GABRG3: variants seen among roughly 807,000 people sequenced by gnomAD.
GABRG3 encodes the protein gamma-aminobutyric acid type A receptor subunit gamma3.
In GABRG3, 25 loss-of-function variants were observed where a neutral mutation model predicts 48.8. The ratio of observed to expected loss-of-function variants is 0.51; its 90% CI spans 0.37 to 0.72. The LOEUF (loss-of-function observed/expected upper bound fraction) is 0.72. GABRG3 is among the 30% of genes least tolerant of loss of function. GABRG3 has a pLI of 0.00. For synonymous variants in GABRG3, 227 were observed against 217.6 expected, an observed-to-expected ratio of 1.04 and a Z score of -0.38; for missense variants, 394 against 577.9, an observed-to-expected ratio of 0.68 and a Z score of 3.26.
At chr15:27,216,194 A>C (rs1016397029) in intron 3 of GABRG3, among the ~76,000 whole-genome samples, 4 of 152,238 alleles carry the variant, frequency 2.6e-5, no homozygotes, top group African/African-American at 9.6e-5. Flanking sequence ...TGGGCATTGC[A>C]GACCAAATTC....
intron 5 of GABRG3, among the ~76,000 whole-genome samples, chr15:27,464,389 T>C (rs377303939): frequency 2.6e-5 from 4 of 152,230 alleles, no homozygotes; most frequent in Admixed American, 6.5e-5. Context: ...CATTCTTCCA[T>C]TGGTACCTCT....
intron 3 of GABRG3, among the ~76,000 whole-genome samples, chr15:27,324,952 T>C (rs1462820052): frequency 8.2e-6 from 1 of 121,848 alleles, no homozygotes; most frequent in East Asian, 2.2e-4. Context: ...CTAATCCATT[T>C]AGAGGCTTTA....
In GABRG3 at chr15:27,457,170, G is replaced by A. The variant is rs1361305077; in HGVS notation, c.575-23480G>A. On this transcript the variant is annotated intron_variant, in intron 5 of 9. Transcript: ENST00000615808. This position sits in a 1 kb window ranked among gnomAD's most constrained non-coding sequence, Gnocchi z 4.4. ...GCATTCATTAGAGACCACAGTGGCG[G>A]CATGCAGCTGGACTGGGAGTGACTG... 3.3e-5 allele frequency among the ~76,000 whole-genome samples: 5 copies of A among 152,172 alleles called. No homozygotes were observed. The highest frequency in any genetic ancestry group is 1.2e-4 in the African/African-American group (5 of 41,450).
intron 3 of GABRG3, among the ~76,000 whole-genome samples, chr15:27,058,345 C>T (rs74006568): frequency 0.082 from 12,473 of 152,220 alleles, 574 homozygotes; most frequent in East Asian, 0.25. Flanking sequence ...GATGGCAGAG[C>T]CTTGCTGAGC....
chr15:27,337,973 G>C (rs142107615), intron 5 of GABRG3, among the ~76,000 whole-genome samples: 64 of 152,280 alleles, frequency 4.2e-4, no homozygotes, highest in African/African-American at 1.4e-3. Context: ...GTGCAACGCC[G>C]TCTCTGAATC....
chr15:27,081,779 A>AC (rs1483428156), intron 3 of GABRG3, among the ~76,000 whole-genome samples: 1 of 151,898 alleles, frequency 6.6e-6, no homozygotes, highest in African/African-American at 2.4e-5. Flanking sequence ...GCTGTGGTCG[A>AC]CCCCGCTCCC....
intron 5 of GABRG3, among the ~76,000 whole-genome samples, chr15:27,384,428 A>T (rs1231095086): frequency 6.6e-6 from 1 of 152,194 alleles, no homozygotes; most frequent in Non-Finnish European, 1.5e-5. Flanking sequence ...AAAGTAAGAG[A>T]GCATTTTAAT....
At chr15:27,519,042 A>T (rs1411213350) in intron 6 of GABRG3, among the ~76,000 whole-genome samples, 1 of 152,146 alleles carries the variant, frequency 6.6e-6, no homozygotes, top group Non-Finnish European at 1.5e-5. Context: ...TCCTCTTTGA[A>T]CAAGTGAGAG....
intron 3 of GABRG3, among the ~76,000 whole-genome samples, chr15:27,117,457 G>C (rs1381584447): frequency 6.6e-6 from 1 of 152,092 alleles, no homozygotes; most frequent in African/African-American, 2.4e-5. Context: ...CAAGACACAC[G>C]CATTGGTCCT....
At chr15:27,239,986 G>A (rs745443612) in intron 3 of GABRG3, among the ~76,000 whole-genome samples, 1 of 152,112 alleles carries the variant, frequency 6.6e-6, no homozygotes, top group Non-Finnish European at 1.5e-5. Flanking sequence ...TGGTTATGCA[G>A]CGGATGTTAA....
At chr15:27,072,831 C>T (rs1415426214) in intron 3 of GABRG3, among the ~76,000 whole-genome samples, 1 of 152,170 alleles carries the variant, frequency 6.6e-6, no homozygotes. Context: ...CAAGACAGCC[C>T]AGAAAGTTAA....
intron 3 of GABRG3, among the ~76,000 whole-genome samples, chr15:27,124,666 C>T (rs1351849498): frequency 6.6e-6 from 1 of 152,172 alleles, no homozygotes; most frequent in African/African-American, 2.4e-5. Flanking sequence ...TAGATAACAG[C>T]TCTACCAGGG....
At chr15:27,279,619 G>A (rs1891368109) in intron 3 of GABRG3, among the ~76,000 whole-genome samples, 1 of 152,096 alleles carries the variant, frequency 6.6e-6, no homozygotes. Context: ...TTTATTGATC[G>A]ATGTTTCTCT....
chr15:27,444,717 C>T (rs1888891006), intron 5 of GABRG3, among the ~76,000 whole-genome samples: 1 of 152,094 alleles, frequency 6.6e-6, no homozygotes, highest in African/African-American at 2.4e-5. Flanking sequence ...TTATTCTCTT[C>T]CTACTTTCTT....
chr15:27,144,944 C>T (rs555517528), intron 3 of GABRG3, among the ~76,000 whole-genome samples: 42 of 152,164 alleles, frequency 2.8e-4, no homozygotes, highest in African/African-American at 9.7e-4. Context: ...ACAAAGAATA[C>T]AGCCTTTACA....
At position 27,266,631 on chromosome 15, in the gene GABRG3, C is replaced by G. The variant is rs192772772; in HGVS notation, c.271-60178C>G. On this transcript the variant is annotated intron_variant, in intron 3 of 9. Transcript: ENST00000615808. ...CAAATCTATCATTTGGGAGAATTAG[C>G]TCTCAATATTGAGTCTTCTGACATA... 3.1e-3 allele frequency among the ~76,000 whole-genome samples: 466 copies of G among 152,292 alleles called. 1 individual carries two copies. The highest frequency in any genetic ancestry group is 5.3e-3 in the Non-Finnish European group (360 of 68,020).
intron 5 of GABRG3, among the ~76,000 whole-genome samples, chr15:27,381,443 C>T (rs1008093347): frequency 2.6e-5 from 4 of 152,218 alleles, no homozygotes; most frequent in African/African-American, 9.6e-5. Context: ...CAAGACTGGA[C>T]TCCTTGGAGT....
In GABRG3 at chr15:27,507,573, G is replaced by A. The variant is rs563015831; in HGVS notation, c.713-12399G>A. Among the ~76,000 whole-genome samples, 5 of 152,166 alleles carry A rather than the reference G, an allele frequency of 3.3e-5. No individual in the cohort carries two copies. The South Asian group carries it at 1.0e-3, about 32-fold the overall frequency. ...ATGTTAAGCTTCGGTTTGTGGCCCA[G>A]AATATGTTCTATTTTGCCGAACATT... On this transcript the variant is annotated intron_variant, in intron 6 of 9. Coordinates refer to ENST00000615808, the MANE Select transcript of GABRG3 (RefSeq NM_033223.5).
chr15:27,460,186 CCAA>C (rs528355541), intron 5 of GABRG3, among the ~76,000 whole-genome samples: 70 of 152,254 alleles, frequency 4.6e-4, no homozygotes, highest in East Asian at 4.1e-3. Context: ...ATATTTTTGT[CCAA>C]CAACAACAAC....
Sources: gnomAD v4.1 joint callset for allele counts (sites outside exome capture counted in the v4.1 genomes callset) on GRCh38, gnomAD v4.1.1 for gene constraint, Gnocchi (gnomAD v3.1) non-coding constraint, MANE v1.5 for transcripts, NCBI Gene and HGNC (gene_info 2026-07-23, HGNC 2026-07-21) for gene names.